The following MDFIC variants were observed in gnomAD, a reference collection of about 807,000 sequenced individuals.
MDFIC encodes the protein myoD family inhibitor domain-containing protein.
MDFIC carries 17 observed loss-of-function variants against 23.2 expected under a neutral mutation model. The ratio of observed to expected loss-of-function variants is 0.73; its 90% CI spans 0.50 to 1.10. MDFIC has a LOEUF of 1.10. MDFIC is among the 50% of genes least tolerant of loss of function. The pLI is 0.00. For synonymous variants in MDFIC, 120 were observed against 115.2 expected (o/e 1.04, Z -0.27); for missense variants, 356 against 316.6 (o/e 1.12, Z -0.95).
rs1791790465 is a variant in MDFIC, at chr7:115,016,130, T to TA, written c.*197dup. 1.8e-6 allele frequency: 1 copy of TA among 555,544 alleles called. No homozygotes were observed. Among genetic ancestry groups the TA allele is most frequent in the African/African-American group, 1.9e-5 (1 of 52,988 alleles). 34.4% of individuals were successfully genotyped at this position (555,544 alleles called of 1,614,324 possible). On this transcript the variant is annotated 3_prime_UTR_variant, in exon 5 of 5. Coordinates refer to ENST00000393486, the MANE Select transcript of MDFIC (RefSeq NM_001166345.3). ...TTAATATGTGAAATTTTAACTACTTTAACTAGTTTTATAAATTTCTTAATA... is the reference window on the plus strand; with the variant it reads ...TTAATATGTGAAATTTTAACTACTTTAAACTAGTTTTATAAATTTCTTAATA...
chr7:114,938,595 C>T (rs1322977185), intron 2 of MDFIC, among the ~76,000 whole-genome samples: 2 of 152,112 alleles, frequency 1.3e-5, no homozygotes, highest in Non-Finnish European at 2.9e-5. Flanking sequence ...CGGTTCTAAC[C>T]CTGAGCCAAA....
chr7:114,937,415 C>T (rs943821853), intron 2 of MDFIC, among the ~76,000 whole-genome samples: 7 of 152,208 alleles, frequency 4.6e-5, no homozygotes, highest in African/African-American at 1.7e-4. Flanking sequence ...AATGGCTTTT[C>T]TATGATTTCC....
At chr7:114,939,697 A>T (rs1792500544) in intron 2 of MDFIC, among the ~76,000 whole-genome samples, 1 of 152,190 alleles carries the variant, frequency 6.6e-6, no homozygotes, top group African/African-American at 2.4e-5. Flanking sequence ...CGAATATTGG[A>T]CATGATTCAA....
intron 4 of MDFIC, among the ~76,000 whole-genome samples, chr7:114,991,901 C>T (rs1037701372): frequency 4.6e-5 from 7 of 152,144 alleles, no homozygotes; most frequent in African/African-American, 1.7e-4. Context: ...TCATTGGTAG[C>T]TTGATGGGGA....
chr7:114,964,504 C>CCCTTCCCTTT (rs1563143717), intron 3 of MDFIC, among the ~76,000 whole-genome samples: 23 of 148,378 alleles, frequency 1.6e-4, no homozygotes, highest in Admixed American at 4.0e-4. Flanking sequence ...CCCTTCCCTT[C>CCCTTCCCTTT]CCTTCCCTTT....
chr7:114,992,283 C>A (rs1344078630), intron 4 of MDFIC, among the ~76,000 whole-genome samples: 2 of 152,150 alleles, frequency 1.3e-5, no homozygotes, highest in East Asian at 3.8e-4. Context: ...TATACAATTA[C>A]GTCATCTGCA....
intron 3 of MDFIC, among the ~76,000 whole-genome samples, chr7:114,954,850 C>A (rs1467252695): frequency 1.3e-5 from 2 of 152,232 alleles, no homozygotes; most frequent in Middle Eastern, 3.4e-3. Flanking sequence ...AGTCCTTATT[C>A]TATCTGTAGG....
At chr7:114,933,418 C>T (rs1452989221) in intron 2 of MDFIC, among the ~76,000 whole-genome samples, 3 of 151,946 alleles carry the variant, frequency 2.0e-5, no homozygotes, top group Non-Finnish European at 4.4e-5. Context: ...GCCACCATGC[C>T]CAGCTAATTT....
chr7:114,926,777 T>G (rs1168193844), intron 2 of MDFIC, among the ~76,000 whole-genome samples: 1 of 152,216 alleles, frequency 6.6e-6, no homozygotes, highest in Non-Finnish European at 1.5e-5. Flanking sequence ...CAGTAGTTTA[T>G]AGAGGCTAAT....
intron 4 of MDFIC, among the ~76,000 whole-genome samples, chr7:114,989,908 CAAATTGATT>C (rs1793576028): frequency 6.6e-6 from 1 of 152,138 alleles, no homozygotes; most frequent in African/African-American, 2.4e-5. Flanking sequence ...TTTTGGATCA[CAAATTGATT>C]AAAATCGATA....
chr7:114,999,678 T>A (rs1432437305), intron 4 of MDFIC, among the ~76,000 whole-genome samples: 1 of 152,016 alleles, frequency 6.6e-6, no homozygotes, highest in Non-Finnish European at 1.5e-5. Flanking sequence ...TAAGGGGAAT[T>A]TTTTTAAATA....
At chr7:114,958,756 AAACAAC>A in intron 3 of MDFIC, among the ~76,000 whole-genome samples, 1 of 152,304 alleles carries the variant, frequency 6.6e-6, no homozygotes, top group East Asian at 1.9e-4. Context: ...CATCTCAAGA[AAACAAC>A]AACAACAACA....
chr7:114,943,106 A>T (rs1317591561), intron 3 of MDFIC, among the ~76,000 whole-genome samples: 3 of 152,220 alleles, frequency 2.0e-5, no homozygotes, highest in African/African-American at 4.8e-5. Flanking sequence ...GAGCATAGGG[A>T]GTAAATCTTT....
chr7:115,001,757 A>G (rs573049305), intron 4 of MDFIC, among the ~76,000 whole-genome samples: 2 of 152,272 alleles, frequency 1.3e-5, no homozygotes, highest in Admixed American at 1.3e-4. Flanking sequence ...TTACACCCTT[A>G]GTTAGAAATA....
At chr7:114,982,840 A>G (rs1294908770) in intron 4 of MDFIC, among the ~76,000 whole-genome samples, 1 of 152,214 alleles carries the variant, frequency 6.6e-6, no homozygotes. Flanking sequence ...TTCTGCTTCT[A>G]AGATGATGCC....
Position 114,922,223 on chromosome 7 carries a change from C to G in MDFIC, c.-521C>G. 3 of 500,624 alleles carry G rather than the reference C, an allele frequency of 6.0e-6. No homozygotes were observed. Among genetic ancestry groups the G allele is most frequent in the South Asian group, 1.1e-4 (1 of 9,114 alleles). 31.0% of individuals were successfully genotyped at this position (500,624 alleles called of 1,614,324 possible). On this transcript the variant is annotated 5_prime_UTR_variant, in exon 1 of 5. Transcript: ENST00000393486. ...AGGGATCGCGCGGCCGAGCCCGGGTCGCGCCGCTCCCAGCATCGGGGCCGC... is the reference window on the plus strand; with the variant it reads ...AGGGATCGCGCGGCCGAGCCCGGGTGGCGCCGCTCCCAGCATCGGGGCCGC...
chr7:114,978,602 C>T (rs1349702543), intron 3 of MDFIC, among the ~76,000 whole-genome samples: 3 of 151,916 alleles, frequency 2.0e-5, no homozygotes, highest in Admixed American at 2.0e-4. Context: ...CTTACAGGAG[C>T]ATTGTTGATT....
chr7:114,972,801 A>T (rs778159139), intron 3 of MDFIC, among the ~76,000 whole-genome samples: 1 of 151,820 alleles, frequency 6.6e-6, no homozygotes, highest in East Asian at 1.9e-4. Flanking sequence ...TATTTTTTGT[A>T]GAAACAGAGT....
intron 4 of MDFIC, among the ~76,000 whole-genome samples, chr7:114,995,758 G>T (rs549108956): frequency 6.6e-6 from 1 of 152,182 alleles, no homozygotes; most frequent in Non-Finnish European, 1.5e-5. Context: ...TGCCCCTACT[G>T]GGGGGTGCCT....
Sources: gnomAD v4.1 joint callset for allele counts (sites outside exome capture counted in the v4.1 genomes callset) on GRCh38, gnomAD v4.1.1 for gene constraint, MANE v1.5 for transcripts, NCBI Gene and HGNC (gene_info 2026-07-23, HGNC 2026-07-21) for gene names.